The following ZMIZ1 variants were observed in gnomAD, a reference collection of about 807,000 sequenced individuals.
The protein encoded by ZMIZ1 is zinc finger MIZ domain-containing protein 1.
ZMIZ1 carries 17 observed loss-of-function variants against 113.9 expected under a neutral mutation model. The ratio of observed to expected loss-of-function variants is 0.15; its 90% confidence interval spans 0.10 to 0.22. The LOEUF (loss-of-function observed/expected upper bound fraction) is 0.22, where lower values mean the gene tolerates loss of function less well. Ranked by LOEUF, ZMIZ1 falls within the 10% of genes least tolerant of loss-of-function variation. ZMIZ1 has a pLI of 1.00. For missense variants in ZMIZ1, 1,059 were observed against 1,477.8 expected, an observed-to-expected ratio of 0.72 and a Z score of 4.65; for synonymous variants, 607 against 603.1, an observed-to-expected ratio of 1.01 and a Z score of -0.09.
intron 1 of ZMIZ1, among the ~76,000 whole-genome samples, chr10:79,081,671 C>CCCCGG: frequency 6.6e-6 from 1 of 152,126 alleles, no homozygotes; most frequent in East Asian, 1.9e-4. Context: ...CCTGGCCCTG[C>CCCCGG]CCCCTGCCAC....
intron 7 of ZMIZ1, among the ~76,000 whole-genome samples, chr10:79,275,607 G>A (rs184141446): frequency 3.9e-5 from 6 of 152,360 alleles, no homozygotes; most frequent in African/African-American, 1.4e-4. Context: ...CCGGCCAAAC[G>A]TGGTGGCGTA....
At chr10:79,216,800 C>T (rs1032069564) in intron 7 of ZMIZ1, among the ~76,000 whole-genome samples, 5 of 152,180 alleles carry the variant, frequency 3.3e-5, no homozygotes, top group African/African-American at 1.2e-4. Flanking sequence ...ACACAAAAGT[C>T]GAAACAAAAT....
chr10:79,119,823 C>G (rs1844207668), intron 2 of ZMIZ1, among the ~76,000 whole-genome samples: 1 of 152,142 alleles, frequency 6.6e-6, no homozygotes, highest in Admixed American at 6.5e-5. Flanking sequence ...AGGGCCCCCT[C>G]TAGAGGAGGG....
At chr10:79,222,811 C>A (rs1286381595) in intron 7 of ZMIZ1, among the ~76,000 whole-genome samples, 1 of 152,158 alleles carries the variant, frequency 6.6e-6, no homozygotes, top group East Asian at 1.9e-4. Context: ...AGAGAAAGAC[C>A]CTGACCCCAA....
At chr10:79,218,183 G>GA (rs1296950130) in intron 7 of ZMIZ1, among the ~76,000 whole-genome samples, 1 of 152,132 alleles carries the variant, frequency 6.6e-6, no homozygotes, top group Non-Finnish European at 1.5e-5. Flanking sequence ...CTTTATTTAT[G>GA]AAAACAAGTG....
chr10:79,162,385 C>G (rs975017169), intron 4 of ZMIZ1, among the ~76,000 whole-genome samples: 1 of 152,192 alleles, frequency 6.6e-6, no homozygotes, highest in Non-Finnish European at 1.5e-5. Flanking sequence ...TGCAGGTCTG[C>G]CCGGGGAGAG....
At chr10:79,232,220 T>C (rs1458919115) in intron 7 of ZMIZ1, among the ~76,000 whole-genome samples, 1 of 152,150 alleles carries the variant, frequency 6.6e-6, no homozygotes, top group Non-Finnish European at 1.5e-5. Flanking sequence ...AACTGTGCCC[T>C]GCATGTAGTG....
intron 17 of ZMIZ1, 139 bp from the exon 18 acceptor site, chr10:79,301,968 C>A: frequency 1.3e-6 from 1 of 753,820 alleles, no homozygotes; most frequent in Non-Finnish European, 2.2e-6. Context: ...CTCAGGCTCG[C>A]AAGTCCCAGG....
chr10:79,095,650 C>T (rs1843143653), intron 1 of ZMIZ1, among the ~76,000 whole-genome samples: 1 of 152,226 alleles, frequency 6.6e-6, no homozygotes, highest in Admixed American at 6.5e-5. Context: ...TTGGAACGCA[C>T]CTAACAAAGG....
Position 79,307,423 on chromosome 10 carries a change from A to G in ZMIZ1, c.2687A>G (p.His896Arg), listed in dbSNP as rs200251535. 35 of 1,591,954 alleles carry G rather than the reference A, an allele frequency of 2.2e-5. No homozygotes were observed. The highest frequency in any genetic ancestry group is 1.7e-4 in the Admixed American group (10 of 59,094). The change falls in exon 23 of 25, where the codon CAT (histidine) becomes CGT (arginine). Residue 896 changes from histidine (H) to arginine (R), a missense_variant. Around this residue, in one of 6 missense-constraint regions of ZMIZ1, gnomAD observed 225 missense variants for 276.0 expected, o/e 0.82. Coordinates refer to ENST00000334512, the MANE Select transcript of ZMIZ1 (RefSeq NM_020338.4). Reference sequence around the variant, plus strand: ...TTCCTAGGCAACAACTACCAAGGCCATGGCAACTTTGACTTCCCCCACGGG... The same window carrying G: ...TTCCTAGGCAACAACTACCAAGGCCGTGGCAACTTTGACTTCCCCCACGGG... Reference protein sequence around the residue: ...YSSQGNNYQGHGNFDFPHGNP... With the variant: ...YSSQGNNYQGRGNFDFPHGNP...
At chr10:79,283,343 C>A (rs910075604) in intron 8 of ZMIZ1, among the ~76,000 whole-genome samples, 17 of 152,142 alleles carry the variant, frequency 1.1e-4, no homozygotes, top group African/African-American at 4.1e-4. Flanking sequence ...AGTTACTTAC[C>A]CTCCTTGTGC....
At chr10:79,131,570 C>G (rs1305767298) in intron 2 of ZMIZ1, among the ~76,000 whole-genome samples, 2 of 152,216 alleles carry the variant, frequency 1.3e-5, no homozygotes, top group Non-Finnish European at 2.9e-5. Flanking sequence ...TGATTTCTCA[C>G]AGCCCTGAAA....
chr10:79,252,693 C>T (rs1376219167), intron 7 of ZMIZ1, among the ~76,000 whole-genome samples: 2 of 152,196 alleles, frequency 1.3e-5, no homozygotes, highest in Non-Finnish European at 2.9e-5. Flanking sequence ...CTACAGGAGT[C>T]ACCATGTAGG....
intron 8 of ZMIZ1, chr10:79,285,513 T>C (rs978568248): frequency 2.2e-6 from 1 of 455,956 alleles, no homozygotes; most frequent in Non-Finnish European, 4.4e-6. Context: ...TCTGTGTCCT[T>C]CTCTCACTTT....
chr10:79,110,099 C>T (rs1291627276), intron 1 of ZMIZ1, among the ~76,000 whole-genome samples: 6 of 152,250 alleles, frequency 3.9e-5, no homozygotes, highest in Admixed American at 3.9e-4. Context: ...TGCATCCAAA[C>T]CCCCATGCTG....
chr10:79,301,790 G>T (rs1854317441), intron 17 of ZMIZ1, among the ~76,000 whole-genome samples: 1 of 152,128 alleles, frequency 6.6e-6, no homozygotes, highest in Admixed American at 6.5e-5. Context: ...GAGCACCCTG[G>T]CAGGAAGGGC....
intron 4 of ZMIZ1, among the ~76,000 whole-genome samples, chr10:79,184,998 G>A (rs773174564): frequency 3.9e-5 from 6 of 152,202 alleles, no homozygotes; most frequent in Non-Finnish European, 8.8e-5. Flanking sequence ...ACAAGTGCAG[G>A]CAGGAGAGAC....
chr10:79,167,917 G>A (rs11002858), intron 4 of ZMIZ1, among the ~76,000 whole-genome samples: 29,487 of 152,232 alleles, frequency 0.19, 3,208 homozygotes, highest in Middle Eastern at 0.24. Flanking sequence ...GGTCTCCAGC[G>A]AGTGGAGGAT....
In ZMIZ1 at chr10:79,185,115, C is replaced by T. The variant is rs546787064; in HGVS notation, c.-49-16469C>T. On this transcript the variant is annotated intron_variant, in intron 4 of 24. Transcript: ENST00000334512. ...TGAAGCCTTGGCTGTGGATAATTGT[C>T]GGGAGCATCCCAGGCCAAGCCTTGG... 3.3e-5 allele frequency among the ~76,000 whole-genome samples: 5 copies of T among 152,012 alleles called. No homozygotes were observed. The South Asian group carries it at 8.3e-4, about 25-fold the overall frequency.
Sources: allele counts gnomAD v4.1 joint callset (sites outside exome capture counted in the v4.1 genomes callset), GRCh38; gene constraint gnomAD v4.1.1; regional missense constraint gnomAD v4.1.1; transcripts MANE v1.5; gene names NCBI Gene and HGNC (gene_info 2026-07-23, HGNC 2026-07-21).